The following KCNH5 variants were observed in gnomAD, a reference collection of about 807,000 sequenced individuals.
KCNH5 encodes the protein voltage-gated delayed rectifier potassium channel KCNH5.
KCNH5 carries 46 observed loss-of-function variants against 96.1 expected under a neutral mutation model. That is an observed-to-expected ratio of 0.48 (90% CI 0.38 to 0.61). The LOEUF (loss-of-function observed/expected upper bound fraction) is 0.61. KCNH5 is among the 20% of genes least tolerant of loss of function. The pLI is 0.00. For synonymous variants in KCNH5, 439 were observed against 449.8 expected (o/e 0.98, Z 0.30); for missense variants, 907 against 1,225.8 (o/e 0.74, Z 3.88).
chr14:62,840,451 G>T (rs1355776863), intron 8 of KCNH5, among the ~76,000 whole-genome samples: 3 of 152,006 alleles, frequency 2.0e-5, no homozygotes, highest in Non-Finnish European at 1.5e-5. Context: ...CCCAGGAGGG[G>T]ACATGGAGCA....
chr14:62,887,720 T>G (rs1033581971), intron 7 of KCNH5, among the ~76,000 whole-genome samples: 1 of 152,146 alleles, frequency 6.6e-6, no homozygotes, highest in African/African-American at 2.4e-5. Context: ...GGAGCTGCCC[T>G]TGATGTGCCA....
At chr14:62,969,664 T>C (rs1594651560) in intron 6 of KCNH5, among the ~76,000 whole-genome samples, 1 of 152,000 alleles carries the variant, frequency 6.6e-6, no homozygotes, top group Non-Finnish European at 1.5e-5. Flanking sequence ...AGGTGATGGA[T>C]TGATTGGTGC....
At chr14:63,017,672 CAT>C (rs1329632244) in intron 1 of KCNH5, among the ~76,000 whole-genome samples, 3 of 151,332 alleles carry the variant, frequency 2.0e-5, no homozygotes, top group South Asian at 2.1e-4. Flanking sequence ...TTGTAAACCA[CAT>C]GTTATATGTC....
intron 7 of KCNH5, among the ~76,000 whole-genome samples, chr14:62,889,728 C>T (rs1888666676): frequency 1.3e-5 from 2 of 152,102 alleles, no homozygotes; most frequent in African/African-American, 4.8e-5. Flanking sequence ...TCATTAAGTG[C>T]CATATTCTAC....
At chr14:62,945,820 T>A (rs1416427271) in intron 7 of KCNH5, among the ~76,000 whole-genome samples, 1 of 151,968 alleles carries the variant, frequency 6.6e-6, no homozygotes, top group East Asian at 1.9e-4. Flanking sequence ...GGCCTAAGAC[T>A]GATGTTTTCA....
intron 9 of KCNH5, among the ~76,000 whole-genome samples, chr14:62,780,380 A>T (rs551977318): frequency 6.6e-6 from 1 of 152,258 alleles, no homozygotes; most frequent in South Asian, 2.1e-4. Flanking sequence ...TTATTCAGTA[A>T]CTATGTATTG....
chr14:62,867,061 T>C (rs945056728), intron 7 of KCNH5, among the ~76,000 whole-genome samples: 2 of 152,156 alleles, frequency 1.3e-5, no homozygotes, highest in East Asian at 3.9e-4. Context: ...GGGATACAGC[T>C]TGCTTCCACC....
At chr14:62,913,293 T>C (rs1483966342) in intron 7 of KCNH5, among the ~76,000 whole-genome samples, 1 of 152,152 alleles carries the variant, frequency 6.6e-6, no homozygotes. Flanking sequence ...AGTGGTGCGA[T>C]CTCGGCTCAC....
chr14:63,012,143 GCTT>G (rs1460572078), intron 2 of KCNH5, among the ~76,000 whole-genome samples: 1 of 152,176 alleles, frequency 6.6e-6, no homozygotes, highest in East Asian at 1.9e-4. Flanking sequence ...AAATGTCAGA[GCTT>G]CTACAGGTCA....
intron 5 of KCNH5, among the ~76,000 whole-genome samples, chr14:62,984,138 G>A (rs1406697857): frequency 6.6e-6 from 1 of 152,102 alleles, no homozygotes; most frequent in Non-Finnish European, 1.5e-5. Flanking sequence ...GCTTCTATAA[G>A]CAATAAGCCT....
In KCNH5 at chr14:62,780,751, G is replaced by C. The variant is rs77261407; in HGVS notation, c.1823-827C>G. On this transcript the variant is annotated intron_variant, in intron 9 of 10. Transcript: ENST00000322893. ...TAAAAAGAACGAGAAAGAGTCTAAGGTTAAAGGTCCCAAAAGGCCATTCTG... is the reference window on the plus strand; with the variant it reads ...TAAAAAGAACGAGAAAGAGTCTAAGCTTAAAGGTCCCAAAAGGCCATTCTG... Among the ~76,000 whole-genome samples the C allele has an allele frequency of 9.5e-3, 1,445 of 152,200 alleles. 19 individuals carry two copies. The highest frequency in any genetic ancestry group is 0.032 in the African/African-American group (1,338 of 41,538).
At chr14:62,913,356 T>C (rs1889208905) in intron 7 of KCNH5, among the ~76,000 whole-genome samples, 1 of 151,766 alleles carries the variant, frequency 6.6e-6, no homozygotes, top group Non-Finnish European at 1.5e-5. Context: ...GCCTTCTGAG[T>C]AGCTGGGACT....
intron 2 of KCNH5, among the ~76,000 whole-genome samples, chr14:63,014,906 G>A (rs2139605645): frequency 6.6e-6 from 1 of 152,170 alleles, no homozygotes; most frequent in Non-Finnish European, 1.5e-5. Flanking sequence ...CTATGGACCT[G>A]TTCCACAGGA....
At chr14:63,031,969 T>C (rs1223884183) in intron 1 of KCNH5, among the ~76,000 whole-genome samples, 4 of 151,912 alleles carry the variant, frequency 2.6e-5, no homozygotes, top group Non-Finnish European at 5.9e-5. Context: ...TTATGCAAAT[T>C]ACCCCCAGAG....
At chr14:62,795,844 C>CA (rs1370042204) in intron 9 of KCNH5, among the ~76,000 whole-genome samples, 2 of 151,966 alleles carry the variant, frequency 1.3e-5, no homozygotes, top group African/African-American at 2.4e-5. Context: ...AGAACAGAGG[C>CA]ATCTAATCCA....
chr14:62,922,596 C>T (rs1889400231), intron 7 of KCNH5, among the ~76,000 whole-genome samples: 1 of 151,896 alleles, frequency 6.6e-6, no homozygotes, highest in Admixed American at 6.6e-5. Flanking sequence ...AAGGATCATA[C>T]ACTATACGCC....
chr14:62,877,895 C>T (rs1171610480), intron 7 of KCNH5, among the ~76,000 whole-genome samples: 12 of 151,464 alleles, frequency 7.9e-5, no homozygotes, highest in Middle Eastern at 3.4e-3. Flanking sequence ...CACATGCACA[C>T]GTATGTTTAT....
intron 7 of KCNH5, among the ~76,000 whole-genome samples, chr14:62,867,252 G>T (rs999066376): frequency 1.3e-5 from 2 of 152,084 alleles, no homozygotes; most frequent in Non-Finnish European, 2.9e-5. Flanking sequence ...AGCCTCTGCC[G>T]CACCAAGGTT....
At chr14:62,786,360 A>G (rs984986096) in intron 9 of KCNH5, among the ~76,000 whole-genome samples, 1 of 152,180 alleles carries the variant, frequency 6.6e-6, no homozygotes, top group Non-Finnish European at 1.5e-5. Flanking sequence ...TTTCTATATA[A>G]TGAACTTAAT....
Sources: allele counts gnomAD v4.1 joint callset (sites outside exome capture counted in the v4.1 genomes callset), GRCh38; gene constraint gnomAD v4.1.1; transcripts MANE v1.5; gene names NCBI Gene and HGNC (gene_info 2026-07-23, HGNC 2026-07-21).